FGD5: variants seen among roughly 807,000 people sequenced by gnomAD.
FGD5 encodes FYVE, RhoGEF and PH domain-containing protein 5.
FGD5 carries 28 observed loss-of-function variants against 133.4 expected under a neutral mutation model. The observed-to-expected ratio is 0.21, with a 90% CI of 0.16 to 0.29. The LOEUF is 0.29. Among genes scored for constraint, FGD5 ranks in the 10% least tolerant of loss-of-function variants. The pLI, the probability that FGD5 is intolerant of heterozygous loss-of-function variation, is 1.00. For synonymous variants in FGD5, 810 were observed against 776.5 expected (o/e 1.04, Z -0.72); for missense variants, 1,858 against 1,895.2 (o/e 0.98, Z 0.36).
In FGD5 at chr3:14,894,468, C is replaced by T. The variant is rs556763463; in HGVS notation, c.2749-3041C>T. 2.7e-5 allele frequency among the ~76,000 whole-genome samples: 4 copies of T among 147,646 alleles called. No homozygotes were observed. The South Asian group carries it at 8.5e-4, about 32-fold the overall frequency. ...ATTTGGTTTTCTTTCTTTTAAATAT[C>T]TACTCAGTAGTGGAATTGCTAGAGC... On this transcript the variant is annotated intron_variant, in intron 4 of 19. Transcript: ENST00000285046.
chr3:14,909,925 C>T (rs2038415484), intron 10 of FGD5, among the ~76,000 whole-genome samples: 1 of 151,772 alleles, frequency 6.6e-6, no homozygotes, highest in Non-Finnish European at 1.5e-5. Context: ...ACCACCACAC[C>T]CATCTAATTT....
chr3:14,868,690 T>A (rs921674624), intron 2 of FGD5, among the ~76,000 whole-genome samples: 19 of 152,184 alleles, frequency 1.2e-4, no homozygotes, highest in Non-Finnish European at 2.9e-5. Flanking sequence ...ACAATACTCA[T>A]CTCCTAGTGA....
rs2038933775 is a variant in FGD5 at position 14,933,523 on chromosome 3, T to C, written c.*356T>C. 3.9e-6 allele frequency: 1 copy of C among 253,170 alleles called. No individual in the cohort carries two copies. Among genetic ancestry groups the C allele is most frequent in the South Asian group, 6.1e-5 (1 of 16,284 alleles). The allele number at this position is 253,170 out of a possible 1,614,324, so 15.7% of individuals were successfully genotyped here. Reference sequence around the variant, plus strand: ...TGCAGGCTTTTTAGTAGAAAGAAGCTCTTACAGTTTTTACTCATGATAAAT... The same window carrying C: ...TGCAGGCTTTTTAGTAGAAAGAAGCCCTTACAGTTTTTACTCATGATAAAT... On this transcript the variant is annotated 3_prime_UTR_variant, in exon 20 of 20. Coordinates refer to ENST00000285046, the MANE Select transcript of FGD5 (RefSeq NM_152536.4).
rs1380966263 is a variant in FGD5, at chr3:14,819,777, G to C, written c.706G>C (p.Asp236His). 6 of 1,555,352 alleles carry C rather than the reference G, an allele frequency of 3.9e-6. No individual in the cohort carries two copies. In the African/African-American group the frequency reaches 8.2e-5, roughly 21 times the overall value. The change falls in exon 1 of 20, where the codon GAC becomes CAC. Residue 236 changes from aspartate to histidine, a missense_variant. Transcript: ENST00000285046. The surrounding 1 kb of genome is among the most constrained non-coding windows in gnomAD (Gnocchi z 4.1). ...PAGADEGSGPDRPTEDMGQDA... is the reference protein window; with the variant it reads ...PAGADEGSGPHRPTEDMGQDA... The stretch of plus-strand genomic sequence containing the variant: ...AGGGGCAGATGAGGGTTCGGGTCCT[G>C]ACAGGCCCACGGAGGACATGGGACA...
At chr3:14,882,371 T>A in intron 4 of FGD5, 2 of 984,760 alleles carry the variant, frequency 2.0e-6, no homozygotes, top group Non-Finnish European at 2.4e-6. Context: ...CATAATAAGA[T>A]CCTGAGGATG....
chr3:14,828,000 G>C (rs922271207), intron 1 of FGD5, among the ~76,000 whole-genome samples: 15 of 152,174 alleles, frequency 9.9e-5, no homozygotes, highest in Non-Finnish European at 1.5e-5. Context: ...GTTTGTGTTT[G>C]GGCCACGTTG....
intron 9 of FGD5, among the ~76,000 whole-genome samples, chr3:14,906,032 T>G (rs13080924): frequency 0.14 from 21,943 of 152,120 alleles, 2,102 homozygotes; most frequent in Non-Finnish European, 0.22. Context: ...TCATCAACCT[T>G]CAGTGACTGC....
intron 2 of FGD5, among the ~76,000 whole-genome samples, chr3:14,864,989 C>T (rs950142389): frequency 2.6e-5 from 4 of 152,182 alleles, no homozygotes; most frequent in Admixed American, 2.6e-4. Context: ...GAAGAGCAGG[C>T]CTAGGCATGT....
chr3:14,926,115 C>T lies in FGD5; in HGVS notation c.4114C>T (p.Arg1372Trp), dbSNP rs200788448. 1.8e-4 allele frequency: 287 copies of T among 1,613,798 alleles called. No individual in the cohort carries two copies. Among genetic ancestry groups the T allele is most frequent in the Non-Finnish European group, 2.4e-4 (278 of 1,179,860 alleles). ...EGSAISGYLS[R>W]CKRGKRHWKK... ...CTCTGCCATCAGTGGCTATCTCAGCCGGTGTAAGAGGGGCAAGCGGCACTG... is the reference window on the plus strand; with the variant it reads ...CTCTGCCATCAGTGGCTATCTCAGCTGGTGTAAGAGGGGCAAGCGGCACTG... Residue 1372 changes from arginine (R) to tryptophan (W), a missense_variant, in exon 18 of 20, where the codon CGG becomes TGG. Physicochemically the swap from Arg to Trp is moderately radical, Grantham distance 101. Around this residue, in one of 3 missense-constraint regions of FGD5, gnomAD observed 1,824 missense variants for 1,848.9 expected, o/e 0.99. Coordinates refer to ENST00000285046, the MANE Select transcript of FGD5 (RefSeq NM_152536.4).
Position 14,922,405 on chromosome 3 carries a change from C to A in FGD5, c.3670-6C>A. The A allele has an allele frequency of 6.4e-7, 1 of 1,563,190 alleles. No individual in the cohort carries two copies. The highest frequency in any genetic ancestry group is 8.7e-7 in the Non-Finnish European group (1 of 1,153,538). ...CCACATTACTCAGCCAATTCTGTTG[C>A]TGCAGATACGAGAGAGGCTGGGGGT... On this transcript the variant is annotated splice_polypyrimidine_tract_variant and splice_region_variant and intron_variant, in intron 14 of 19. Coordinates refer to ENST00000285046, the MANE Select transcript of FGD5 (RefSeq NM_152536.4). The surrounding 1 kb of genome is among the most constrained non-coding windows in gnomAD (Gnocchi z 4.1).
At chr3:14,818,896 C>T (rs2036424632), upstream of FGD5, 2 of 1,420,848 alleles carry the variant, frequency 1.4e-6, no homozygotes, top group South Asian at 1.5e-5. Context: ...GTGTAGGAGA[C>T]TCTGAATGGC....
At chr3:14,904,540 T>G (rs930025473) in intron 9 of FGD5, among the ~76,000 whole-genome samples, 3 of 151,568 alleles carry the variant, frequency 2.0e-5, no homozygotes, top group Admixed American at 6.6e-5. Context: ...AGAACTTCCT[T>G]ACTTTCTGGC....
chr3:14,866,072 A>G (rs551762625), intron 2 of FGD5, among the ~76,000 whole-genome samples: 1 of 149,840 alleles, frequency 6.7e-6, no homozygotes, highest in Non-Finnish European at 1.5e-5. Context: ...CCCACCATGC[A>G]CAACTCTGTA....
chr3:14,842,692 T>A (rs2036946947), intron 1 of FGD5, among the ~76,000 whole-genome samples: 1 of 152,240 alleles, frequency 6.6e-6, no homozygotes, highest in Admixed American at 6.5e-5. Context: ...CTCGGATAGC[T>A]TTTGGAACCC....
intron 2 of FGD5, among the ~76,000 whole-genome samples, chr3:14,870,347 A>T (rs988814854): frequency 2.6e-5 from 4 of 152,140 alleles, no homozygotes; most frequent in African/African-American, 9.7e-5. Context: ...CCATGGCCAT[A>T]TTGAAGCCTC....
Position 14,926,196 on chromosome 3 carries a change from G to A in FGD5, c.4195G>A (p.Glu1399Lys). The A allele has an allele frequency of 6.2e-7, 1 of 1,613,218 alleles. No homozygotes were observed. Among genetic ancestry groups the A allele is most frequent in the Non-Finnish European group, 8.5e-7 (1 of 1,179,426 alleles). Reference protein sequence around the residue: ...GKVLYTYMASEDKVALESMPL... With the variant: ...GKVLYTYMASKDKVALESMPL... Reference sequence around the variant, plus strand: ...AGTTCTCTACACCTACATGGCCAGTGAGGTAGTAGTGATCTGCACTCTCTC... The same window carrying A: ...AGTTCTCTACACCTACATGGCCAGTAAGGTAGTAGTGATCTGCACTCTCTC... The change falls in exon 18 of 20, where the codon GAG becomes AAG. Residue 1399 changes from glutamate to lysine, a missense_variant and splice_region_variant. Transcript: ENST00000285046.
rs937315077 is a variant in FGD5 at position 14,826,749 on chromosome 3, T to TTCTG, written c.2525+5169_2525+5172dup. Reference sequence around the variant, plus strand: ...GAATCTCGTTCCTCTTGCTGTGTATTTCTGTCTGTCTGTCTGTCTCTCTCA... The same window carrying TTCTG: ...GAATCTCGTTCCTCTTGCTGTGTATTTCTGTCTGTCTGTCTGTCTGTCTCTCTCA... On this transcript the variant is annotated intron_variant, in intron 1 of 19. Transcript: ENST00000285046. 8.5e-5 allele frequency among the ~76,000 whole-genome samples: 13 copies of TTCTG among 152,300 alleles called. 1 individual carries two copies. The highest frequency in any genetic ancestry group is 7.7e-4 in the East Asian group (4 of 5,180).
chr3:14,895,868 G>A (rs1352469140), intron 4 of FGD5, among the ~76,000 whole-genome samples: 1 of 152,120 alleles, frequency 6.6e-6, no homozygotes. Flanking sequence ...CCGACAAGAT[G>A]TTATACTCAG....
chr3:14,810,938 C>G lies in FGD5; in HGVS notation c.13+73C>G, dbSNP rs1046946565. ...CCCGGCCGGGCGCTCCAAGTTGGAGCTCCCGGGGAGCCCGGGGCTAGCTGC... is the reference window on the plus strand; with the variant it reads ...CCCGGCCGGGCGCTCCAAGTTGGAGGTCCCGGGGAGCCCGGGGCTAGCTGC... On this transcript the variant is annotated intron_variant, in intron 1 of 1. Transcript: ENST00000640506. 9.1e-5 allele frequency: 89 copies of G among 979,426 alleles called. No individual in the cohort carries two copies. The African/African-American group carries it at 1.5e-3, about 16-fold the overall frequency. The allele number at this position is 979,426 out of a possible 1,614,324, so 60.7% of individuals were successfully genotyped here.
Sources: gnomAD v4.1 joint callset for allele counts (sites outside exome capture counted in the v4.1 genomes callset) on GRCh38, gnomAD v4.1.1 for gene constraint, gnomAD v4.1.1 regional missense constraint, Gnocchi (gnomAD v3.1) non-coding constraint, MANE v1.5 for transcripts, NCBI Gene and HGNC (gene_info 2026-07-23, HGNC 2026-07-21) for gene names.